Variants in ZNF107 observed in about 807,000 individuals in gnomAD.
ZNF107 encodes the protein C2H2 type zinc-finger protein.
In ZNF107, 19 loss-of-function variants were observed where a neutral mutation model predicts 12.3. The ratio of observed to expected loss-of-function variants is 1.55; its 90% CI spans 1.08 to 2.27. ZNF107 has a LOEUF of 2.27. Among genes scored for constraint, ZNF107 ranks in the 30% most tolerant of loss-of-function variants. The pLI is 0.00. For synonymous variants in ZNF107, 317 were observed against 330.5 expected (o/e 0.96, Z 0.44); for missense variants, 958 against 979.9 (o/e 0.98, Z 0.30).
intron 1 of ZNF107, among the ~76,000 whole-genome samples, chr7:64,668,076 T>G (rs57625281): frequency 0.047 from 7,126 of 151,992 alleles, 453 homozygotes; most frequent in African/African-American, 0.14. Context: ...ATTGGGCACT[T>G]AAATGAGCAG....
At chr7:64,691,748 T>C (rs1790125119) in intron 2 of ZNF107, 117 bp from the exon 3 acceptor site, 8 of 429,470 alleles carry the variant, frequency 1.9e-5, no homozygotes, top group Non-Finnish European at 2.7e-5. Flanking sequence ...TATTTAGAAA[T>C]ATATGTTATA....
At chr7:64,702,864 C>G (rs1790522698) in intron 3 of ZNF107, among the ~76,000 whole-genome samples, 1 of 152,154 alleles carries the variant, frequency 6.6e-6, no homozygotes, top group Admixed American at 6.5e-5. Context: ...CAGCCTACCT[C>G]TTTTTTTGGG....
At chr7:64,693,165 A>AT (rs34734604) in intron 3 of ZNF107, among the ~76,000 whole-genome samples, 36,934 of 110,066 alleles carry the variant, frequency 0.34, 6,663 homozygotes, top group South Asian at 0.4. Context: ...CACTCAGCTA[A>AT]TTTTTTTTTT....
At chr7:64,669,887 C>T (rs1371649147) in intron 1 of ZNF107, among the ~76,000 whole-genome samples, 1 of 152,176 alleles carries the variant, frequency 6.6e-6, no homozygotes, top group African/African-American at 2.4e-5. Context: ...ATAACCTTGA[C>T]ATGGAAATTA....
At chr7:64,701,981 ATTG>A (rs1033857873) in intron 3 of ZNF107, among the ~76,000 whole-genome samples, 3 of 152,056 alleles carry the variant, frequency 2.0e-5, no homozygotes, top group African/African-American at 4.8e-5. Flanking sequence ...TTTTATTATT[ATTG>A]TTTTATGTGT....
Position 64,707,344 on chromosome 7 carries a change from A to T in ZNF107, c.1247A>T (p.Lys416Met). ...FNQFSTLTRH[K>M]IIHTGEKPYK... ...CAGTTCTCAACTCTTACTAGACATAAGATAATTCATACTGGAGAGAAACCC... is the reference window on the plus strand; with the variant it reads ...CAGTTCTCAACTCTTACTAGACATATGATAATTCATACTGGAGAGAAACCC... Residue 416 changes from lysine (K) to methionine (M), a missense_variant, in exon 4 of 4, where the codon AAG becomes ATG. Lys to Met is a moderately conservative substitution (Grantham distance 95). Coordinates refer to ENST00000620827, the MANE Select transcript of ZNF107 (RefSeq NM_001282359.2). 1 of 1,613,398 alleles carries T rather than the reference A, an allele frequency of 6.2e-7. No homozygotes were observed. The highest frequency in any genetic ancestry group is 8.5e-7 in the Non-Finnish European group (1 of 1,179,768).
chr7:64,674,712 A>G (rs182006376), intron 1 of ZNF107, among the ~76,000 whole-genome samples: 1 of 152,334 alleles, frequency 6.6e-6, no homozygotes, highest in East Asian at 1.9e-4. Context: ...AGCTTTGTCC[A>G]TTCCATATGT....
At chr7:64,680,517 T>A (rs1254132090) in intron 1 of ZNF107, among the ~76,000 whole-genome samples, 1 of 152,082 alleles carries the variant, frequency 6.6e-6, no homozygotes, top group Non-Finnish European at 1.5e-5. Context: ...CGGGCGAGAT[T>A]ATATGATCAC....
At chr7:64,667,065 ACCT>A (rs1268102537) in intron 1 of ZNF107, among the ~76,000 whole-genome samples, 1 of 152,204 alleles carries the variant, frequency 6.6e-6, no homozygotes, top group Non-Finnish European at 1.5e-5. Flanking sequence ...GACTAGAGCC[ACCT>A]CAGTCTAATT....
At chr7:64,681,851 T>C (rs1456942071) in intron 1 of ZNF107, among the ~76,000 whole-genome samples, 7 of 152,120 alleles carry the variant, frequency 4.6e-5, no homozygotes, top group African/African-American at 1.7e-4. Flanking sequence ...CAAACCCATA[T>C]ACTCTCTTGT....
intron 1 of ZNF107, among the ~76,000 whole-genome samples, chr7:64,673,429 G>A (rs1035070231): frequency 2.6e-5 from 4 of 152,142 alleles, no homozygotes; most frequent in African/African-American, 9.7e-5. Flanking sequence ...TTTTAATAAG[G>A]TTGTTTGTGT....
intron 1 of ZNF107, among the ~76,000 whole-genome samples, chr7:64,690,803 GC>G (rs1175775966): frequency 2.0e-5 from 3 of 151,914 alleles, no homozygotes; most frequent in Non-Finnish European, 4.4e-5. Context: ...GTGCAGTGGA[GC>G]AATCTCAGCT....
intron 1 of ZNF107, chr7:64,686,369 C>A: frequency 3.3e-6 from 1 of 307,622 alleles, no homozygotes; most frequent in Non-Finnish European, 4.7e-6. Context: ...TCAGTTCCTA[C>A]AAAATCTCAT....
At chr7:64,680,713 G>T (rs557860771) in intron 1 of ZNF107, among the ~76,000 whole-genome samples, 56 of 152,264 alleles carry the variant, frequency 3.7e-4, no homozygotes, top group African/African-American at 1.1e-3. Context: ...TACCCAGTCA[G>T]CTCCCGACAT....
Position 64,707,756 on chromosome 7 carries a change from TA to T in ZNF107, c.1662del (p.Lys554AsnfsTer32). On this transcript the variant is annotated frameshift_variant, in exon 4 of 4. Coordinates refer to ENST00000620827, the MANE Select transcript of ZNF107 (RefSeq NM_001282359.2). LOFTEE classifies it low-confidence loss of function (END_TRUNC). Reference sequence around the variant, plus strand: ...CTTTTAACCGATTCTCAACCCTTACTAAACATAAGAGAATTCATACTGGAGA... The same window carrying T: ...CTTTTAACCGATTCTCAACCCTTACTAACATAAGAGAATTCATACTGGAGA... ...KAFNRFSTLT[K>X]HKRIHTGEKP... 6.2e-7 allele frequency: 1 copy of T among 1,612,400 alleles called. No homozygotes were observed. The highest frequency in any genetic ancestry group is 1.1e-5 in the South Asian group (1 of 90,892).
chr7:64,689,676 C>T (rs565012232), intron 1 of ZNF107: 13 of 83,682 alleles, frequency 1.6e-4, no homozygotes, highest in African/African-American at 5.5e-4. Flanking sequence ...GCCTGAGTCT[C>T]TCCTGCCTGC....
chr7:64,688,679 A>G lies in ZNF107; in HGVS notation c.4-2569A>G, dbSNP rs141781165. On this transcript the variant is annotated intron_variant, in intron 1 of 3. Transcript: ENST00000620827. The stretch of plus-strand genomic sequence containing the variant: ...TCAGGGTCTTAAGATTTGGGAAAAA[A>G]TAAAACCTTTTATCTGAGAAATGCA... Among the ~76,000 whole-genome samples, 46 of 152,342 alleles carry G rather than the reference A, an allele frequency of 3.0e-4. No individual in the cohort carries two copies. In the East Asian group the frequency reaches 8.5e-3, roughly 28 times the overall value.
intron 1 of ZNF107, among the ~76,000 whole-genome samples, chr7:64,678,094 G>T (rs554402758): frequency 1.3e-5 from 2 of 152,176 alleles, no homozygotes; most frequent in East Asian, 3.9e-4. Context: ...TTTGGTCATT[G>T]TTCTTGATTT....
chr7:64,696,991 C>T (rs75750225), intron 3 of ZNF107, among the ~76,000 whole-genome samples: 3,736 of 151,714 alleles, frequency 0.025, 126 homozygotes, highest in East Asian at 0.13. Context: ...CAACAGTCCC[C>T]GGTGTGTGAT....
Sources: gnomAD v4.1 joint callset for allele counts (sites outside exome capture counted in the v4.1 genomes callset) on GRCh38, gnomAD v4.1.1 for gene constraint, MANE v1.5 for transcripts, NCBI Gene and HGNC (gene_info 2026-07-23, HGNC 2026-07-21) for gene names.